The following ACBD6 variants were observed in gnomAD, a reference collection of about 807,000 sequenced individuals.
ACBD6 encodes the protein acyl-CoA-binding domain-containing protein 6.
ACBD6 carries 28 observed loss-of-function variants against 37.2 expected under a neutral mutation model. The ratio of observed to expected loss-of-function variants is 0.75; its 90% CI spans 0.56 to 1.03. The LOEUF is 1.03. ACBD6 is among the 50% of genes least tolerant of loss of function. The pLI, the probability that ACBD6 is intolerant of heterozygous loss-of-function variation, is 0.00. For missense variants in ACBD6, 340 were observed against 337.4 expected, an observed-to-expected ratio of 1.01 and a Z score of -0.06; for synonymous variants, 113 against 126.8, an observed-to-expected ratio of 0.89 and a Z score of 0.73.
chr1:180,488,801 A>T (rs956309967), intron 3 of ACBD6, among the ~76,000 whole-genome samples: 1 of 152,004 alleles, frequency 6.6e-6, no homozygotes, highest in Admixed American at 6.6e-5. Context: ...GGCTGCTCTC[A>T]AACTCCTGGC....
rs186374651 is a variant in ACBD6, at chr1:180,434,904, T to C, written c.385-4642A>G. On this transcript the variant is annotated intron_variant, in intron 3 of 7. Transcript: ENST00000367595. ...TTTGAAAACAAAATCTGAGAATGAA[T>C]TGGAATTTACAAGCTCAGGCTCAGC... 2.9e-3 allele frequency: 2,221 copies of C among 773,038 alleles called. 13 individuals carry two copies. The highest frequency in any genetic ancestry group is 4.7e-3 in the Non-Finnish European group (1,981 of 417,412). 47.9% of individuals were successfully genotyped at this position (773,038 alleles called of 1,614,324 possible). A position where few individuals can be genotyped will look rare whatever the true frequency, so the allele number is the denominator to read the frequency against.
intron 7 of ACBD6, among the ~76,000 whole-genome samples, chr1:180,306,672 C>A (rs530261715): frequency 1.3e-5 from 2 of 152,298 alleles, no homozygotes; most frequent in Admixed American, 1.3e-4. Context: ...AGTATTCTAG[C>A]AGATGAACAT....
chr1:180,381,220 T>C (rs368858371), intron 6 of ACBD6, among the ~76,000 whole-genome samples: 7 of 152,188 alleles, frequency 4.6e-5, no homozygotes, highest in African/African-American at 1.7e-4. Context: ...ATCAAGCAAA[T>C]ATTATTAGAT....
chr1:180,436,020 G>A (rs2102005602), intron 3 of ACBD6: 1 of 749,000 alleles, frequency 1.3e-6, no homozygotes, highest in Non-Finnish European at 2.3e-6. Flanking sequence ...ATCGTTTAAT[G>A]TTGTACGTCT....
intron 3 of ACBD6, among the ~76,000 whole-genome samples, chr1:180,434,478 G>A (rs898885846): frequency 1.3e-5 from 2 of 152,178 alleles, no homozygotes; most frequent in African/African-American, 4.8e-5. Flanking sequence ...ATCTTTTAAA[G>A]ATCTGAATAG....
chr1:180,445,222 C>A (rs558702422), intron 3 of ACBD6, among the ~76,000 whole-genome samples: 1 of 152,114 alleles, frequency 6.6e-6, no homozygotes, highest in Non-Finnish European at 1.5e-5. Context: ...ATTTCTCCAA[C>A]GCAAAAGTGT....
intron 3 of ACBD6, among the ~76,000 whole-genome samples, chr1:180,449,907 A>T (rs934117095): frequency 2.4e-5 from 3 of 126,460 alleles, no homozygotes; most frequent in Non-Finnish European, 4.7e-5. Context: ...AACTTAAATT[A>T]AAAAAAAAAA....
intron 6 of ACBD6, among the ~76,000 whole-genome samples, chr1:180,327,201 G>A (rs1041781128): frequency 6.6e-6 from 1 of 152,176 alleles, no homozygotes; most frequent in African/African-American, 2.4e-5. Context: ...CTATCACTCG[G>A]ATGGACGATT....
At chr1:180,284,198 G>A (rs771296317), downstream of ACBD6, among the ~76,000 whole-genome samples, 1 of 152,114 alleles carries the variant, frequency 6.6e-6, no homozygotes, top group Non-Finnish European at 1.5e-5. Context: ...TAAGAAGGAA[G>A]CATATTTTTT....
intron 7 of ACBD6, among the ~76,000 whole-genome samples, chr1:180,291,182 G>A (rs1234146709): frequency 6.6e-6 from 1 of 152,110 alleles, no homozygotes; most frequent in Non-Finnish European, 1.5e-5. Context: ...GGGATCTTAC[G>A]AACAGTTGGG....
chr1:180,462,129 A>G (rs1650171703), intron 3 of ACBD6, among the ~76,000 whole-genome samples: 1 of 152,050 alleles, frequency 6.6e-6, no homozygotes, highest in South Asian at 2.1e-4. Context: ...CCAGCTATTT[A>G]GGGAGGCTGA....
At chr1:180,447,406 A>C (rs1416967370) in intron 3 of ACBD6, among the ~76,000 whole-genome samples, 1 of 152,152 alleles carries the variant, frequency 6.6e-6, no homozygotes, top group Non-Finnish European at 1.5e-5. Flanking sequence ...TGTAACAACA[A>C]ACCAAAAATG....
chr1:180,392,925 A>G (rs992750435), intron 6 of ACBD6, among the ~76,000 whole-genome samples: 2 of 152,198 alleles, frequency 1.3e-5, no homozygotes, highest in South Asian at 2.1e-4. Context: ...TTTAAACTGC[A>G]TAACACCAGT....
intron 3 of ACBD6, among the ~76,000 whole-genome samples, chr1:180,491,016 T>C (rs910518373): frequency 2.0e-5 from 3 of 149,334 alleles, no homozygotes; most frequent in Non-Finnish European, 4.5e-5. Context: ...AAGGCAGTCA[T>C]ATCATTAAAG....
At chr1:180,485,260 A>G (rs73048292) in intron 3 of ACBD6, among the ~76,000 whole-genome samples, 1,550 of 152,254 alleles carry the variant, frequency 0.01, 34 homozygotes, top group African/African-American at 0.034. Context: ...AGCCAATTCC[A>G]GGGATAGGGC....
chr1:180,434,770 G>A (rs1008545027), intron 3 of ACBD6: 6 of 641,260 alleles, frequency 9.4e-6, no homozygotes, highest in Middle Eastern at 4.3e-4. Flanking sequence ...AGCCGCAACC[G>A]AGCCTGCTGC....
At chr1:180,402,253 T>C (rs1216580992) in intron 5 of ACBD6, among the ~76,000 whole-genome samples, 2 of 152,112 alleles carry the variant, frequency 1.3e-5, no homozygotes, top group African/African-American at 2.4e-5. Flanking sequence ...TCCCTGTCCA[T>C]AGTGAAATGA....
At chr1:180,444,827 G>A (rs534276887) in intron 3 of ACBD6, among the ~76,000 whole-genome samples, 1 of 152,334 alleles carries the variant, frequency 6.6e-6, no homozygotes, top group East Asian at 1.9e-4. Flanking sequence ...AAAAGGGAAA[G>A]GATAAGTTGT....
At chr1:180,327,561 TG>T (rs1267065049) in intron 6 of ACBD6, among the ~76,000 whole-genome samples, 1 of 152,236 alleles carries the variant, frequency 6.6e-6, no homozygotes, top group Non-Finnish European at 1.5e-5. Flanking sequence ...GTGTTCCTGC[TG>T]GGGCGACAAT....
Sources: gnomAD v4.1 joint callset for allele counts (sites outside exome capture counted in the v4.1 genomes callset) on GRCh38, gnomAD v4.1.1 for gene constraint, MANE v1.5 for transcripts, NCBI Gene and HGNC (gene_info 2026-07-23, HGNC 2026-07-21) for gene names.